The following NUGGC variants were observed in gnomAD, a reference collection of about 807,000 sequenced individuals.
NUGGC encodes nuclear GTPase SLIP-GC.
NUGGC carries 58 observed loss-of-function variants against 92.6 expected under a neutral mutation model. The ratio of observed to expected loss-of-function variants is 0.63; its 90% confidence interval spans 0.51 to 0.78. The LOEUF is 0.78. NUGGC is among the 30% of genes least tolerant of loss of function. The pLI is 0.00. For missense variants in NUGGC, 925 were observed against 964.6 expected (o/e 0.96, Z 0.54); for synonymous variants, 376 against 366.4 (o/e 1.03, Z -0.30).
intron 1 of NUGGC, among the ~76,000 whole-genome samples, chr8:28,079,546 A>G (rs1369420170): frequency 6.6e-6 from 1 of 152,204 alleles, no homozygotes; most frequent in Middle Eastern, 3.2e-3. Flanking sequence ...AAAAAAAAGA[A>G]TGCTAGGGCC....
chr8:28,071,755 T>C (rs533383986), intron 2 of NUGGC, among the ~76,000 whole-genome samples: 2 of 152,124 alleles, frequency 1.3e-5, no homozygotes, highest in African/African-American at 2.4e-5. Flanking sequence ...AGGTGGATCT[T>C]TGGGGTGAAG....
At chr8:28,079,240 G>A (rs982087766) in intron 1 of NUGGC, among the ~76,000 whole-genome samples, 2 of 151,938 alleles carry the variant, frequency 1.3e-5, no homozygotes, top group African/African-American at 4.8e-5. Flanking sequence ...TGCATATCAT[G>A]GCATTGAATA....
intron 18 of NUGGC, among the ~76,000 whole-genome samples, chr8:28,026,606 T>C (rs1809267009): frequency 6.6e-6 from 1 of 152,222 alleles, no homozygotes; most frequent in Admixed American, 6.5e-5. Flanking sequence ...CTTGGGCACA[T>C]TTCCTAATAT....
At chr8:28,043,843 G>A (rs892273313) in intron 12 of NUGGC, among the ~76,000 whole-genome samples, 7 of 152,096 alleles carry the variant, frequency 4.6e-5, no homozygotes, top group African/African-American at 1.7e-4. Flanking sequence ...AACTGTTTTG[G>A]GAAATTGGAA....
rs34532311 is a variant in NUGGC, at chr8:28,023,069, C to CAA, written c.*246_*247dup. ...TGGGTGACACAGCGAGACTCTGTCT[C>CAA]AAAAAAAAAAAAAAAAAAATTACCC... On this transcript the variant is annotated 3_prime_UTR_variant, in exon 19 of 19. Coordinates refer to ENST00000413272, the MANE Select transcript of NUGGC (RefSeq NM_001010906.2). The CAA allele has an allele frequency of 0.017, 3,791 of 226,682 alleles. 151 individuals carry two copies. The highest frequency in any genetic ancestry group is 0.1 in the African/African-American group (3,268 of 31,462). The allele number at this position is 226,682 out of a possible 1,614,324, so 14.0% of individuals were successfully genotyped here.
rs1378902747 is a variant in NUGGC at position 28,069,580 on chromosome 8, A to G, written c.221T>C (p.Leu74Pro). The stretch of plus-strand genomic sequence containing the variant: ...GACTCCATTAGGGATGCTGTCATCC[A>G]GGAAGACAGACTGAATAAGTTTCTG... ...TYQKLIQSVF[L>P]DDSIPNGVKY... The change falls in exon 4 of 19, where the codon CTG becomes CCG. Residue 74 changes from leucine (L) to proline (P), a missense_variant. Transcript: ENST00000413272. The G allele has an allele frequency of 1.9e-6, 3 of 1,606,870 alleles. No homozygotes were observed. In the East Asian group the frequency reaches 6.7e-5, roughly 36 times the overall value.
intron 2 of NUGGC, among the ~76,000 whole-genome samples, chr8:28,071,202 A>G (rs992388635): frequency 6.6e-6 from 1 of 152,182 alleles, no homozygotes; most frequent in East Asian, 1.9e-4. Context: ...GTGGCTGGAC[A>G]TTCTTCACCA....
At chr8:28,081,135 A>G (rs947609073) in intron 1 of NUGGC, among the ~76,000 whole-genome samples, 2 of 152,026 alleles carry the variant, frequency 1.3e-5, no homozygotes, top group African/African-American at 4.8e-5. Context: ...CCTGGTCAAC[A>G]TGGTGAAACC....
At chr8:28,078,922 T>C (rs554924970) in intron 1 of NUGGC, among the ~76,000 whole-genome samples, 19 of 152,238 alleles carry the variant, frequency 1.2e-4, no homozygotes, top group Non-Finnish European at 2.1e-4. Context: ...AGCAAGGTTC[T>C]GCCTGTGTGG....
chr8:28,041,059 A>C lies in NUGGC; in HGVS notation c.1603T>G (p.Cys535Gly). The C allele has an allele frequency of 6.2e-7, 1 of 1,603,438 alleles. No individual in the cohort carries two copies. The highest frequency in any genetic ancestry group is 8.5e-7 in the Non-Finnish European group (1 of 1,175,108). The change falls in exon 13 of 19, where the codon TGC becomes GGC. Residue 535 changes from cysteine to glycine, a missense_variant. Transcript: ENST00000413272. ...RTSYRCILRA[C>G]LVRSKGNQGF... is the part of the protein sequence containing the mutation. ...CTGGAAGGGTCACTCACCACCAAGCATGCTCTGAGGATGCAGCGGTAAGAA... is the reference window on the plus strand; with the variant it reads ...CTGGAAGGGTCACTCACCACCAAGCCTGCTCTGAGGATGCAGCGGTAAGAA...
chr8:28,063,666 A>T (rs932157398), intron 7 of NUGGC, among the ~76,000 whole-genome samples: 4 of 152,158 alleles, frequency 2.6e-5, no homozygotes, highest in African/African-American at 9.7e-5. Context: ...CTGAGCCTTC[A>T]TGTCTTCATC....
rs538765018 is a variant in NUGGC at position 28,032,005 on chromosome 8, G to A, written c.1770-624C>T. ...CTCCTTAGAGTCACTGGGAACATCCGATGAGCTAATGCCTGCCAAGTGCTT... is the reference window on the plus strand; with the variant it reads ...CTCCTTAGAGTCACTGGGAACATCCAATGAGCTAATGCCTGCCAAGTGCTT... On this transcript the variant is annotated intron_variant, in intron 14 of 18. Coordinates refer to ENST00000413272, the MANE Select transcript of NUGGC (RefSeq NM_001010906.2). Among the ~76,000 whole-genome samples, 128 of 152,312 alleles carry A rather than the reference G, an allele frequency of 8.4e-4. 4 individuals are homozygous for A. In the South Asian group the frequency reaches 0.025, roughly 30 times the overall value.
rs530812312 is a variant in NUGGC at position 28,042,633 on chromosome 8, C to T, written c.1447-1418G>A. Among the ~76,000 whole-genome samples the T allele has an allele frequency of 5.9e-5, 9 of 152,298 alleles. No homozygotes were observed. The South Asian group carries it at 1.7e-3, about 28-fold the overall frequency. On this transcript the variant is annotated intron_variant, in intron 12 of 18. Transcript: ENST00000413272. Reference sequence around the variant, plus strand: ...CCACAGCACGTCTCCTGCCTCCTGCCGTATGACATCTCTCTCGTTCCCTGT... The same window carrying T: ...CCACAGCACGTCTCCTGCCTCCTGCTGTATGACATCTCTCTCGTTCCCTGT...
chr8:28,040,108 C>G (rs983972379), intron 13 of NUGGC, among the ~76,000 whole-genome samples: 2 of 152,136 alleles, frequency 1.3e-5, no homozygotes, highest in Admixed American at 6.5e-5. Context: ...GGACTTTCAG[C>G]CTTCAGAACT....
intron 6 of NUGGC, among the ~76,000 whole-genome samples, chr8:28,065,844 G>A (rs1296081077): frequency 6.6e-6 from 1 of 152,200 alleles, no homozygotes; most frequent in Admixed American, 6.5e-5. Flanking sequence ...AAACCACGAC[G>A]GAGGAGATAA....
At chr8:28,076,680 G>A (rs1386398740) in intron 1 of NUGGC, among the ~76,000 whole-genome samples, 1 of 152,180 alleles carries the variant, frequency 6.6e-6, no homozygotes, top group Non-Finnish European at 1.5e-5. Flanking sequence ...TGCAAATGAA[G>A]CGGCACTCAC....
At chr8:28,044,291 G>C (rs574720380) in intron 12 of NUGGC, among the ~76,000 whole-genome samples, 1 of 152,144 alleles carries the variant, frequency 6.6e-6, no homozygotes, top group Non-Finnish European at 1.5e-5. Context: ...ACGGGTGAAG[G>C]CAAGTGTGCA....
chr8:28,059,413 A>G lies in NUGGC; in HGVS notation c.1097+1013T>C, dbSNP rs17058547. ...GAGCTCTCCATAGAAATCAACATCTATTAAGCCCAAAAATGCATACCTTTC... is the reference window on the plus strand; with the variant it reads ...GAGCTCTCCATAGAAATCAACATCTGTTAAGCCCAAAAATGCATACCTTTC... On this transcript the variant is annotated intron_variant, in intron 8 of 18. Transcript: ENST00000413272. Among the ~76,000 whole-genome samples, 1,064 of 152,364 alleles carry G rather than the reference A, an allele frequency of 7.0e-3. 19 individuals are homozygous for G. Among genetic ancestry groups the G allele is most frequent in the African/African-American group, 0.024 (1,015 of 41,572 alleles).
chr8:28,063,122 G>C (rs1283669720), intron 7 of NUGGC, among the ~76,000 whole-genome samples: 1 of 152,164 alleles, frequency 6.6e-6, no homozygotes, highest in African/African-American at 2.4e-5. Flanking sequence ...AAGACTGGCA[G>C]CCTGAGAGAC....
Sources: allele counts gnomAD v4.1 joint callset (sites outside exome capture counted in the v4.1 genomes callset), GRCh38; gene constraint gnomAD v4.1.1; transcripts MANE v1.5; gene names NCBI Gene and HGNC (gene_info 2026-07-23, HGNC 2026-07-21).